The following EXD3 variants were observed in gnomAD, a reference collection of about 807,000 sequenced individuals.
The protein encoded by EXD3 is exonuclease 3'-5' domain containing 3.
A neutral mutation model predicts 98.0 loss-of-function variants in EXD3; 92 were observed. That is an observed-to-expected ratio of 0.94 (90% confidence interval 0.79 to 1.12). The LOEUF (loss-of-function observed/expected upper bound fraction) is 1.12. Ranked by LOEUF, EXD3 falls within the 50% of genes most tolerant of loss-of-function variation. The probability of loss-of-function intolerance (pLI) is 0.00; values close to 1 mark genes in which losing one functional copy is unlikely to be tolerated. For missense variants in EXD3, 1,222 were observed against 1,191.6 expected (o/e 1.03, Z -0.38); for synonymous variants, 569 against 526.0 (o/e 1.08, Z -1.12).
chr9:137,370,265 C>G (rs1287926831), intron 5 of EXD3, among the ~76,000 whole-genome samples: 1 of 152,220 alleles, frequency 6.6e-6, no homozygotes, highest in Non-Finnish European at 1.5e-5. Context: ...TCTGTCTGAA[C>G]TTCCCTGAGA....
chr9:137,348,229 C>T lies in EXD3; in HGVS notation c.1840G>A (p.Ala614Thr). Residue 614 changes from alanine to threonine, a missense_variant, in exon 17 of 22, where the codon GCT (alanine) becomes ACT (threonine). Transcript: ENST00000340951. ...APAAPRQVPV[A>T]VAVSEGAAPQ... ...GCAGCGCCCTCAGACACAGCCACAG[C>T]CACAGGGACCTGCAGTGAGGCCCTG... 6.2e-7 allele frequency: 1 copy of T among 1,611,304 alleles called. No homozygotes were observed. Among genetic ancestry groups the T allele is most frequent in the Non-Finnish European group, 8.5e-7 (1 of 1,179,414 alleles).
chr9:137,412,375 T>C (rs1838043042), intron 1 of EXD3, among the ~76,000 whole-genome samples: 1 of 152,262 alleles, frequency 6.6e-6, no homozygotes, highest in Admixed American at 6.5e-5. Flanking sequence ...ATTTTGGGCA[T>C]ACTGGAGTTA....
chr9:137,404,698 T>C (rs1837635270), intron 1 of EXD3, among the ~76,000 whole-genome samples: 2 of 152,046 alleles, frequency 1.3e-5, no homozygotes, highest in Admixed American at 1.3e-4. Context: ...CCATTTCTAC[T>C]AAAAATATAA....
intron 19 of EXD3, among the ~76,000 whole-genome samples, chr9:137,318,213 C>G (rs920774501): frequency 6.6e-6 from 1 of 152,148 alleles, no homozygotes; most frequent in Non-Finnish European, 1.5e-5. Context: ...CCTCGAGAAC[C>G]CCCTCTTGGA....
At position 137,351,362 on chromosome 9, in the gene EXD3, C is replaced by A; in HGVS notation, c.1340G>T (p.Arg447Leu). Residue 447 changes from arginine to leucine, a missense_variant, in exon 13 of 22, where the codon CGG becomes CTG. Transcript: ENST00000340951. ...GTCCGAGAGGAGCTGGGCCACCAGC[C>A]GGGAAAAGGCCTGGGCTCCCTGCCC... ...PTGQGAQAFS[R>L]LVAQLLSDPS... 6.2e-7 allele frequency: 1 copy of A among 1,611,902 alleles called. No homozygotes were observed. Among genetic ancestry groups the A allele is most frequent in the African/African-American group, 1.3e-5 (1 of 75,036 alleles).
chr9:137,374,339 A>G (rs1835789715), intron 3 of EXD3, among the ~76,000 whole-genome samples: 3 of 152,228 alleles, frequency 2.0e-5, no homozygotes, highest in African/African-American at 7.2e-5. Context: ...GCAGGTGGGC[A>G]AGAGGGTGAG....
At chr9:137,404,416 T>C (rs1217161968) in intron 1 of EXD3, among the ~76,000 whole-genome samples, 2 of 152,188 alleles carry the variant, frequency 1.3e-5, no homozygotes, top group Non-Finnish European at 2.9e-5. Context: ...TCAGCCAGGA[T>C]CAAAGCAGGT....
chr9:137,417,699 A>G (rs1299335235), intron 1 of EXD3, among the ~76,000 whole-genome samples: 2 of 152,058 alleles, frequency 1.3e-5, no homozygotes, highest in African/African-American at 4.8e-5. Context: ...CACGAACGGA[A>G]CAGGAGGTCG....
At chr9:137,344,924 G>A (rs952142129) in intron 17 of EXD3, among the ~76,000 whole-genome samples, 1 of 151,220 alleles carries the variant, frequency 6.6e-6, no homozygotes, top group African/African-American at 2.4e-5. Context: ...TTCACCATAA[G>A]CAGCAGAAAC....
intron 2 of EXD3, among the ~76,000 whole-genome samples, chr9:137,386,726 C>T (rs1007296655): frequency 6.6e-5 from 10 of 152,102 alleles, no homozygotes; most frequent in African/African-American, 1.7e-4. Flanking sequence ...GGCTGCTTCT[C>T]GAGCACCCAG....
chr9:137,340,940 A>C (rs1166969950), intron 17 of EXD3, among the ~76,000 whole-genome samples: 3 of 152,252 alleles, frequency 2.0e-5, no homozygotes, highest in Non-Finnish European at 4.4e-5. Flanking sequence ...CTGAAGGAGA[A>C]GAACAAGGTA....
At chr9:137,355,548 A>AG (rs1411459229) in intron 8 of EXD3, among the ~76,000 whole-genome samples, 2 of 52,328 alleles carry the variant, frequency 3.8e-5, no homozygotes, top group Admixed American at 2.0e-4. Flanking sequence ...GGAAGGAGGA[A>AG]GGAGGAAGGA....
intron 3 of EXD3, among the ~76,000 whole-genome samples, chr9:137,382,743 G>T (rs1836379881): frequency 6.6e-6 from 1 of 152,166 alleles, no homozygotes; most frequent in South Asian, 2.1e-4. Flanking sequence ...CCCCGGACCT[G>T]CAGGAGCGAC....
Position 137,406,610 on chromosome 9 carries a change from G to A in EXD3, c.-47-11206C>T, listed in dbSNP as rs78394777. Among the ~76,000 whole-genome samples the A allele has an allele frequency of 9.0e-3, 1,378 of 152,320 alleles. 22 individuals carry two copies. The highest frequency in any genetic ancestry group is 0.031 in the African/African-American group (1,298 of 41,558). ...CCAACGCACCCCTCGACCCCCAGACGGCAGCGGCATTAGTGGCGCTGATGG... is the reference window on the plus strand; with the variant it reads ...CCAACGCACCCCTCGACCCCCAGACAGCAGCGGCATTAGTGGCGCTGATGG... On this transcript the variant is annotated intron_variant, in intron 1 of 21. Coordinates refer to ENST00000340951, the MANE Select transcript of EXD3 (RefSeq NM_017820.5).
chr9:137,390,562 G>A (rs1283299336), intron 2 of EXD3, among the ~76,000 whole-genome samples: 1 of 152,146 alleles, frequency 6.6e-6, no homozygotes, highest in African/African-American at 2.4e-5. Context: ...GCCCGGTATT[G>A]GCGTTAGAAT....
chr9:137,320,213 C>G (rs548111969), intron 19 of EXD3, among the ~76,000 whole-genome samples: 11 of 152,342 alleles, frequency 7.2e-5, no homozygotes, highest in Non-Finnish European at 1.3e-4. Flanking sequence ...GCAGCCCCCC[C>G]GCCCCTTCCC....
chr9:137,356,236 C>T, intron 8 of EXD3, 32 bp downstream of exon 8: 1 of 1,524,118 alleles, frequency 6.6e-7, no homozygotes. Flanking sequence ...TCTCCCTGGC[C>T]TGTGGGGCAG....
intron 1 of EXD3, among the ~76,000 whole-genome samples, chr9:137,421,540 G>C (rs184593631): frequency 1.5e-4 from 23 of 152,290 alleles, no homozygotes; most frequent in Admixed American, 1.3e-3. Flanking sequence ...CTGGCTACAA[G>C]TCTCAAAGAA....
intron 7 of EXD3, among the ~76,000 whole-genome samples, chr9:137,357,514 C>T (rs1244087202): frequency 6.6e-6 from 1 of 151,918 alleles, no homozygotes; most frequent in Non-Finnish European, 1.5e-5. Context: ...TTTCATTTCC[C>T]ATCCTGTCCT....
Sources: allele counts gnomAD v4.1 joint callset (sites outside exome capture counted in the v4.1 genomes callset), GRCh38; gene constraint gnomAD v4.1.1; transcripts MANE v1.5; gene names NCBI Gene and HGNC (gene_info 2026-07-23, HGNC 2026-07-21).